The following GALNT5 variants were observed in gnomAD, a reference collection of about 807,000 sequenced individuals.
GALNT5 encodes the protein polypeptide N-acetylgalactosaminyltransferase 5.
A neutral mutation model predicts 85.4 loss-of-function variants in GALNT5; 72 were observed. That is an observed-to-expected ratio of 0.84 (90% CI 0.70 to 1.03). The LOEUF (loss-of-function observed/expected upper bound fraction) is 1.03. GALNT5 is among the 50% of genes least tolerant of loss of function. GALNT5 has a pLI of 0.00. For missense variants in GALNT5, 1,137 were observed against 1,135.5 expected, an observed-to-expected ratio of 1.00 and a Z score of -0.02; for synonymous variants, 404 against 397.0, an observed-to-expected ratio of 1.02 and a Z score of -0.21.
chr2:157,272,543 A>G (rs1430142951), intron 1 of GALNT5, among the ~76,000 whole-genome samples: 1 of 152,112 alleles, frequency 6.6e-6, no homozygotes, highest in Non-Finnish European at 1.5e-5. Flanking sequence ...TACCCTCTCT[A>G]GTAGTCCCCA....
Position 157,316,026 on chromosome 2 carries a change from A to G in GALNT5, c.*4678A>G, listed in dbSNP as rs1683695185. Among the ~76,000 whole-genome samples the G allele has an allele frequency of 1.3e-5, 2 of 152,066 alleles. No homozygotes were observed. The highest frequency in any genetic ancestry group is 1.5e-5 in the Non-Finnish European group (1 of 68,020). ...GGGGATTGGTTTAACCAGGTATACT[A>G]CTTACATAGCCGGTGAAAAGACTGG... On this transcript the variant is annotated 3_prime_UTR_variant, in exon 10 of 10. Transcript: ENST00000259056.
At chr2:157,290,112 T>TACATATATATATATATACACAC (rs1683068173) in intron 3 of GALNT5, among the ~76,000 whole-genome samples, 1 of 138,234 alleles carries the variant, frequency 7.2e-6, no homozygotes, top group African/African-American at 3.1e-5. Context: ...TATATATATA[T>TACATATATATATATATACACAC]ACATACACAA....
chr2:157,269,959 AT>A (rs1398667723), intron 1 of GALNT5, among the ~76,000 whole-genome samples: 1 of 150,604 alleles, frequency 6.6e-6, no homozygotes, highest in Non-Finnish European at 1.5e-5. Context: ...AACTGATTTG[AT>A]TTTTTTTTCA....
intron 6 of GALNT5, 64 bp from the exon 7 acceptor site, chr2:157,300,612 G>T: frequency 7.7e-7 from 1 of 1,306,834 alleles, no homozygotes; most frequent in Non-Finnish European, 1.1e-6. Flanking sequence ...TCTTGTCATT[G>T]TTAAGTGCCG....
intron 1 of GALNT5, among the ~76,000 whole-genome samples, chr2:157,280,160 A>G (rs1682826416): frequency 6.6e-6 from 1 of 152,200 alleles, no homozygotes; most frequent in South Asian, 2.1e-4. Context: ...CTCCAAAAAT[A>G]TATTTACTTC....
rs1683749767 is a variant in GALNT5 at position 157,317,801 on chromosome 2, G to A, written c.*6453G>A. On this transcript the variant is annotated 3_prime_UTR_variant, in exon 10 of 10. Transcript: ENST00000259056. ...GATTTTGTAGTTTGCCATGTTCTGA[G>A]TGAGTTCAGCTGCTTACTACTACCC... Among the ~76,000 whole-genome samples the A allele has an allele frequency of 6.6e-6, 1 of 152,064 alleles. No homozygotes were observed. The highest frequency in any genetic ancestry group is 2.4e-5 in the African/African-American group (1 of 41,406).
intron 1 of GALNT5, among the ~76,000 whole-genome samples, chr2:157,271,661 G>A (rs1001925663): frequency 7.9e-5 from 12 of 152,170 alleles, no homozygotes; most frequent in East Asian, 1.9e-4. Context: ...GGTGGGTGGC[G>A]ATGCCATTAT....
At position 157,295,745 on chromosome 2, in the gene GALNT5, T is replaced by A; in HGVS notation, c.1824T>A (p.Ser608Arg). ...LEPLLERVYL[S>R]RKKVACPVIE... ...CTCTTCTGGAAAGAGTTTATTTAAG[T>A]AGAAAGAAAGTGGCCTGTCCAGTAA... is the stretch of plus-strand genomic sequence containing the variant. Residue 608 changes from serine to arginine, a missense_variant, in exon 4 of 10, where the codon AGT becomes AGA. Ser to Arg is a moderately radical substitution (Grantham distance 110). Transcript: ENST00000259056. 1 of 1,609,962 alleles carries A rather than the reference T, an allele frequency of 6.2e-7. No homozygotes were observed. The highest frequency in any genetic ancestry group is 8.5e-7 in the Non-Finnish European group (1 of 1,176,314).
intron 6 of GALNT5, among the ~76,000 whole-genome samples, chr2:157,300,283 T>C (rs1398568555): frequency 6.6e-6 from 1 of 152,176 alleles, no homozygotes; most frequent in Non-Finnish European, 1.5e-5. Flanking sequence ...AAGGATGGTT[T>C]TGAGTTGTGT....
intron 7 of GALNT5, chr2:157,302,337 T>G (rs920860841): frequency 6.6e-6 from 1 of 152,152 alleles, no homozygotes; most frequent in African/African-American, 2.4e-5. Context: ...GAAACTAGTC[T>G]TAAAAAAATG....
At chr2:157,285,389 T>A (rs555527226) in intron 2 of GALNT5, among the ~76,000 whole-genome samples, 7 of 152,158 alleles carry the variant, frequency 4.6e-5, no homozygotes, top group Non-Finnish European at 8.8e-5. Context: ...CAGGGTCCTG[T>A]CTAAGAAAAA....
At chr2:157,280,807 A>G (rs768537175) in intron 1 of GALNT5, among the ~76,000 whole-genome samples, 6 of 152,098 alleles carry the variant, frequency 3.9e-5, no homozygotes, top group Non-Finnish European at 8.8e-5. Context: ...CCTTGGTGAT[A>G]TGTGTGTTCT....
intron 3 of GALNT5, among the ~76,000 whole-genome samples, chr2:157,289,714 TAATC>T (rs1683053639): frequency 6.6e-6 from 1 of 152,124 alleles, no homozygotes; most frequent in African/African-American, 2.4e-5. Context: ...TTGTAAATTA[TAATC>T]AATATTAATT....
chr2:157,273,046 T>C (rs563241786), intron 1 of GALNT5, among the ~76,000 whole-genome samples: 1 of 152,270 alleles, frequency 6.6e-6, no homozygotes, highest in African/African-American at 2.4e-5. Context: ...GTTGTTTTTT[T>C]ACTTTTTAAT....
intron 1 of GALNT5, among the ~76,000 whole-genome samples, chr2:157,266,263 A>T (rs1162029859): frequency 1.3e-5 from 2 of 151,876 alleles, no homozygotes; most frequent in Admixed American, 6.6e-5. Context: ...TGAGGGGGGA[A>T]AAAAGAGCAA....
At chr2:157,285,544 C>T (rs1293015826) in intron 2 of GALNT5, among the ~76,000 whole-genome samples, 1 of 152,082 alleles carries the variant, frequency 6.6e-6, no homozygotes, top group East Asian at 1.9e-4. Context: ...CCTCCATGGC[C>T]ATCTAATAAG....
chr2:157,265,548 T>C lies in GALNT5; in HGVS notation c.1454+6012T>C, dbSNP rs192699579. On this transcript the variant is annotated intron_variant, in intron 1 of 9. Coordinates refer to ENST00000259056, the MANE Select transcript of GALNT5 (RefSeq NM_014568.3). ...AACACTCCTGGGAGAGAGTAGTTAGTATATGCAGGAATTTGAAAGAAGTAT... is the reference window on the plus strand; with the variant it reads ...AACACTCCTGGGAGAGAGTAGTTAGCATATGCAGGAATTTGAAAGAAGTAT... Among the ~76,000 whole-genome samples, 610 of 152,330 alleles carry C rather than the reference T, an allele frequency of 4.0e-3. 1 individual carries two copies. The highest frequency in any genetic ancestry group is 6.7e-3 in the Non-Finnish European group (457 of 68,034).
chr2:157,271,307 T>C (rs906519823), intron 1 of GALNT5, among the ~76,000 whole-genome samples: 1 of 151,418 alleles, frequency 6.6e-6, no homozygotes, highest in Non-Finnish European at 1.5e-5. Context: ...GAGGGGAGAG[T>C]GGAATGACAG....
Position 157,314,907 on chromosome 2 carries a change from G to A in GALNT5, c.*3559G>A, listed in dbSNP as rs941770997. Among the ~76,000 whole-genome samples, 7 of 151,938 alleles carry A rather than the reference G, an allele frequency of 4.6e-5. No individual in the cohort carries two copies. Among genetic ancestry groups the A allele is most frequent in the African/African-American group, 1.5e-4 (6 of 41,372 alleles). On this transcript the variant is annotated 3_prime_UTR_variant, in exon 10 of 10. Coordinates refer to ENST00000259056, the MANE Select transcript of GALNT5 (RefSeq NM_014568.3). ...AGCCTGGGCAACATGGTGAAACCCC[G>A]TCTCTACTAAAAATACAAAAATTAG... is the stretch of plus-strand genomic sequence containing the variant.
Sources: gnomAD v4.1 joint callset for allele counts (sites outside exome capture counted in the v4.1 genomes callset) on GRCh38, gnomAD v4.1.1 for gene constraint, MANE v1.5 for transcripts, NCBI Gene and HGNC (gene_info 2026-07-23, HGNC 2026-07-21) for gene names.